FLYWCH1: variants seen among roughly 807,000 people sequenced by gnomAD.
The protein encoded by FLYWCH1 is FLYWCH-type zinc finger 1, also known as FLYWCH-type zinc finger-containing protein 1.
In FLYWCH1, 75 loss-of-function variants were observed where a neutral mutation model predicts 66.4. The ratio of observed to expected loss-of-function variants is 1.13; its 90% CI spans 0.94 to 1.37. The LOEUF is 1.37. FLYWCH1 is among the 40% of genes most tolerant of loss of function. The pLI, the probability that FLYWCH1 is intolerant of heterozygous loss-of-function variation, is 0.00. For synonymous variants in FLYWCH1, 595 were observed against 429.9 expected, an observed-to-expected ratio of 1.38 and a Z score of -4.75; for missense variants, 1,334 against 1,001.8, an observed-to-expected ratio of 1.33 and a Z score of -4.48.
intron 2 of FLYWCH1, among the ~76,000 whole-genome samples, chr16:2,927,130 C>T (rs1461753581): frequency 6.6e-6 from 1 of 152,190 alleles, no homozygotes; most frequent in South Asian, 2.1e-4. Flanking sequence ...TGCACGGCAT[C>T]GTACAAGCAA....
chr16:2,934,618 C>G (rs760437465), intron 6 of FLYWCH1: 2 of 456,842 alleles, frequency 4.4e-6, no homozygotes, highest in East Asian at 6.9e-5. Context: ...CCCCAAGGCG[C>G]TGGCCTCTCT....
chr16:2,948,634 C>G lies in FLYWCH1; in HGVS notation c.2112-54C>G. ...AGGAATCCTGAACTTTCTGTGTTAT[C>G]TATTTCCACCATGTTTTGATGTGTG... On this transcript the variant is annotated intron_variant, in intron 9 of 9. Transcript: ENST00000253928. The G allele has an allele frequency of 3.2e-6, 5 of 1,572,090 alleles. No individual in the cohort carries two copies. In the South Asian group the frequency reaches 4.4e-5, roughly 14 times the overall value.
chr16:2,922,404 C>G (rs977297448), intron 2 of FLYWCH1: 1 of 187,514 alleles, frequency 5.3e-6, no homozygotes, highest in Admixed American at 5.6e-5. Context: ...GTTCATCCGT[C>G]ACCACCGTCC....
rs372759283 is a variant in FLYWCH1 at position 2,933,604 on chromosome 16, C to A, written c.1249+22C>A. 4 of 1,569,672 alleles carry A rather than the reference C, an allele frequency of 2.5e-6. No homozygotes were observed. The African/African-American group carries it at 5.4e-5, about 21-fold the overall frequency. On this transcript the variant is annotated intron_variant, in intron 5 of 9. Transcript: ENST00000253928. Reference sequence around the variant, plus strand: ...CCGGGTGAGCTGCCTTCCTTTGGGGCTCACCGGCCCTGCCTTGACTCTTGC... The same window carrying A: ...CCGGGTGAGCTGCCTTCCTTTGGGGATCACCGGCCCTGCCTTGACTCTTGC...
Position 2,948,725 on chromosome 16 carries a change from T to G in FLYWCH1, c.2149T>G (p.Ter717GlyextTer26). Reference protein sequence around the residue: ...KDVRLDGESQ* With the variant: ...KDVRLDGESQG ...CGTCAGACTGGATGGCGAGTCCCAG[T>G]GAGGCGATGTGGGCAGAGGAGCTCC... Residue 717 changes from the stop codon to glycine (G), a stop_lost, in exon 10 of 10, where the codon TGA becomes GGA. Coordinates refer to ENST00000253928, the MANE Select transcript of FLYWCH1 (RefSeq NM_001308068.2). The G allele has an allele frequency of 1.9e-6, 3 of 1,613,864 alleles. No homozygotes were observed. The South Asian group carries it at 3.3e-5, about 18-fold the overall frequency.
chr16:2,932,244 C>G (rs886098902), intron 4 of FLYWCH1, among the ~76,000 whole-genome samples: 7 of 140,756 alleles, frequency 5.0e-5, no homozygotes, highest in Non-Finnish European at 7.5e-5. Context: ...GTACTCCAGC[C>G]TGGGCGACGT....
intron 8 of FLYWCH1, 104 bp downstream of exon 8, chr16:2,938,560 G>A (rs1000739076): frequency 1.1e-5 from 11 of 1,038,070 alleles, no homozygotes; most frequent in Non-Finnish European, 1.3e-5. Context: ...GACTGCTTTT[G>A]TGCACACACA....
chr16:2,940,786 G>T (rs1273223059), intron 9 of FLYWCH1, among the ~76,000 whole-genome samples: 10 of 152,170 alleles, frequency 6.6e-5, no homozygotes. Context: ...AACATACTTT[G>T]TATCATTTCA....
At chr16:2,928,757 A>G in intron 2 of FLYWCH1, 1 of 152,308 alleles carries the variant, frequency 6.6e-6, no homozygotes, top group Non-Finnish European at 1.5e-5. Flanking sequence ...ACTGCCACTG[A>G]CTGCCCCCAG....
At chr16:2,914,604 C>T (rs1257055554) in intron 2 of FLYWCH1, among the ~76,000 whole-genome samples, 1 of 152,118 alleles carries the variant, frequency 6.6e-6, no homozygotes, top group African/African-American at 2.4e-5. Context: ...CTTAAGAAAT[C>T]TGTACTGAGT....
At chr16:2,947,856 G>A (rs939184507) in intron 9 of FLYWCH1, among the ~76,000 whole-genome samples, 1 of 151,034 alleles carries the variant, frequency 6.6e-6, no homozygotes, top group Non-Finnish European at 1.5e-5. Flanking sequence ...AACACAGGGA[G>A]AACCCCATCT....
At chr16:2,934,360 G>A (rs2070907553) in intron 6 of FLYWCH1, among the ~76,000 whole-genome samples, 1 of 152,200 alleles carries the variant, frequency 6.6e-6, no homozygotes, top group Non-Finnish European at 1.5e-5. Flanking sequence ...GTTAAGGATT[G>A]AGGAGGTGAT....
chr16:2,937,314 G>C lies in FLYWCH1; in HGVS notation c.1707G>C (p.Pro569=). 1 of 1,601,974 alleles carries C rather than the reference G, an allele frequency of 6.2e-7. No homozygotes were observed. The highest frequency in any genetic ancestry group is 8.5e-7 in the Non-Finnish European group (1 of 1,174,536). The change falls in exon 7 of 10, where the codon CCG becomes CCC. Residue 569 remains proline (P), a synonymous_variant. Transcript: ENST00000253928. ...TCATGCGCAGGCACTGCCACCCACC[G>C]GACCTGGGCGGCCTGGAGGCCCTGC... The part of the protein sequence containing the change: ...VMVMRRHCHP[P]DLGGLEALRQ...
At chr16:2,914,756 C>G (rs866113841) in intron 2 of FLYWCH1, among the ~76,000 whole-genome samples, 24 of 151,836 alleles carry the variant, frequency 1.6e-4, no homozygotes, top group African/African-American at 5.8e-4. Context: ...AAAAATTTAG[C>G]TGGGCGTGGT....
intron 9 of FLYWCH1, among the ~76,000 whole-genome samples, chr16:2,943,866 G>C (rs745519618): frequency 6.6e-6 from 1 of 152,104 alleles, no homozygotes; most frequent in Non-Finnish European, 1.5e-5. Context: ...GAACCCGGGA[G>C]GTGGAGGTTG....
At chr16:2,934,057 G>C in intron 6 of FLYWCH1, 78 bp downstream of exon 6, 1 of 1,411,054 alleles carries the variant, frequency 7.1e-7, no homozygotes, top group Non-Finnish European at 9.3e-7. Flanking sequence ...TCCATGCTGC[G>C]GCTCCCCCTG....
chr16:2,948,805 G>A lies in FLYWCH1; in HGVS notation c.*78G>A, dbSNP rs539418750. 2.2e-6 allele frequency: 3 copies of A among 1,366,498 alleles called. No homozygotes were observed. Among genetic ancestry groups the A allele is most frequent in the Non-Finnish European group, 3.1e-6 (3 of 959,426 alleles). The allele number at this position is 1,366,498 out of a possible 1,614,324, so 84.6% of individuals were successfully genotyped here. A position where few individuals can be genotyped will look rare whatever the true frequency, so the allele number is the denominator to read the frequency against. ...CACACAGGCACTTCCCATCCACCTA[G>A]GTTTGGCTTAGCAGAAACTTCTTTT... On this transcript the variant is annotated 3_prime_UTR_variant, in exon 10 of 10. Coordinates refer to ENST00000253928, the MANE Select transcript of FLYWCH1 (RefSeq NM_001308068.2).
intron 6 of FLYWCH1, 115 bp downstream of exon 6, chr16:2,934,094 C>T: frequency 7.8e-7 from 1 of 1,277,354 alleles, no homozygotes; most frequent in Non-Finnish European, 1.0e-6. Flanking sequence ...CTTCTTTGAA[C>T]ATCCTAGAAG....
At chr16:2,929,117 C>A (rs2070670761) in intron 2 of FLYWCH1, among the ~76,000 whole-genome samples, 1 of 152,230 alleles carries the variant, frequency 6.6e-6, no homozygotes, top group Non-Finnish European at 1.5e-5. Flanking sequence ...TGGTGAAGCA[C>A]ATGGTTTCCA....
Sources: gnomAD v4.1 joint callset for allele counts (sites outside exome capture counted in the v4.1 genomes callset) on GRCh38, gnomAD v4.1.1 for gene constraint, MANE v1.5 for transcripts, NCBI Gene and HGNC (gene_info 2026-07-23, HGNC 2026-07-21) for gene names.